Variants in DPP6 observed in about 807,000 individuals in gnomAD.
DPP6 encodes dipeptidyl peptidase like 6, also known as A-type potassium channel modulatory protein DPP6.
Under a neutral mutation model 122.6 loss-of-function variants are expected in DPP6, and 69 were observed. The observed-to-expected ratio is 0.56, with a 90% CI of 0.46 to 0.69. The LOEUF is 0.69. DPP6 is among the 30% of genes least tolerant of loss of function. DPP6 has a pLI of 0.00. For missense variants in DPP6, 928 were observed against 1,116.9 expected, an observed-to-expected ratio of 0.83 and a Z score of 2.41; for synonymous variants, 418 against 433.1, an observed-to-expected ratio of 0.97 and a Z score of 0.43.
At chr7:154,655,818 T>C (rs545822306) in intron 6 of DPP6, among the ~76,000 whole-genome samples, 2 of 152,298 alleles carry the variant, frequency 1.3e-5, no homozygotes, top group South Asian at 4.1e-4. Context: ...GGTTTGCCTC[T>C]GCCTTGCTCT....
At chr7:154,692,784 T>C (rs1840005813) in intron 7 of DPP6, among the ~76,000 whole-genome samples, 1 of 100,216 alleles carries the variant, frequency 1.0e-5, no homozygotes. Context: ...TCTCTCTCTT[T>C]TTTTTTTTTT....
chr7:154,753,907 A>G (rs1423424055), intron 8 of DPP6, among the ~76,000 whole-genome samples: 2 of 152,230 alleles, frequency 1.3e-5, no homozygotes, highest in African/African-American at 2.4e-5. Context: ...TCCTGGGGTC[A>G]GGACACACCT....
chr7:154,333,420 C>G (rs1032257480), intron 1 of DPP6, among the ~76,000 whole-genome samples: 2 of 152,144 alleles, frequency 1.3e-5, no homozygotes, highest in African/African-American at 4.8e-5. Context: ...AGTTACTCGT[C>G]TGTAATTCTG....
At chr7:154,394,160 A>G (rs1465004011) in intron 1 of DPP6, among the ~76,000 whole-genome samples, 1 of 152,212 alleles carries the variant, frequency 6.6e-6, no homozygotes, top group Non-Finnish European at 1.5e-5. Flanking sequence ...TTGAGGAACC[A>G]TCATACTGTT....
chr7:154,853,970 T>G, intron 17 of DPP6, 143 bp downstream of exon 17: 1 of 1,134,946 alleles, frequency 8.8e-7, no homozygotes, highest in Non-Finnish European at 1.2e-6. Context: ...TAGGCCATGC[T>G]GATCACCAAT....
intron 3 of DPP6, among the ~76,000 whole-genome samples, chr7:154,494,941 G>A (rs968536042): frequency 1.3e-5 from 2 of 152,244 alleles, no homozygotes; most frequent in Admixed American, 1.3e-4. Flanking sequence ...GATACAGACA[G>A]AGGAGGGAGA....
At chr7:153,975,283 G>A (rs1794066168) in intron 1 of DPP6, among the ~76,000 whole-genome samples, 1 of 151,468 alleles carries the variant, frequency 6.6e-6, no homozygotes, top group Non-Finnish European at 1.5e-5. Flanking sequence ...AGTCTTCTGT[G>A]AAACCACCCC....
At chr7:154,383,045 T>C (rs1317920766) in intron 1 of DPP6, among the ~76,000 whole-genome samples, 1 of 152,118 alleles carries the variant, frequency 6.6e-6, no homozygotes, top group Non-Finnish European at 1.5e-5. Flanking sequence ...TTTTAAAATC[T>C]CAAACCTGCC....
At chr7:154,843,117 A>T (rs1274408321) in intron 16 of DPP6, among the ~76,000 whole-genome samples, 2 of 152,230 alleles carry the variant, frequency 1.3e-5, no homozygotes, top group Non-Finnish European at 2.9e-5. Flanking sequence ...ATATGATTGT[A>T]TGCTTTCATT....
At chr7:154,169,045 T>C (rs1302730973) in intron 1 of DPP6, among the ~76,000 whole-genome samples, 1 of 152,082 alleles carries the variant, frequency 6.6e-6, no homozygotes, top group African/African-American at 2.4e-5. Flanking sequence ...GACAGCGGGA[T>C]GGGGGCTCAG....
At chr7:154,267,367 A>T (rs898042088) in intron 1 of DPP6, among the ~76,000 whole-genome samples, 9 of 147,230 alleles carry the variant, frequency 6.1e-5, no homozygotes, top group African/African-American at 2.2e-4. Flanking sequence ...TACTGTAACA[A>T]ATTATATATA....
At chr7:154,620,258 G>GTTCA (rs1223627439) in intron 5 of DPP6, among the ~76,000 whole-genome samples, 2 of 152,212 alleles carry the variant, frequency 1.3e-5, no homozygotes, top group Non-Finnish European at 2.9e-5. Flanking sequence ...TTTCTTAAAT[G>GTTCA]TTCAGTAGAG....
intron 1 of DPP6, among the ~76,000 whole-genome samples, chr7:154,416,604 A>G (rs1817040117): frequency 6.6e-6 from 1 of 152,152 alleles, no homozygotes; most frequent in Non-Finnish European, 1.5e-5. Flanking sequence ...GAAAAACAGC[A>G]CATATCAGGT....
rs143477890 is a variant in DPP6, at chr7:154,113,394, CATATAT to C, written c.243+60345_243+60350del. 1.8e-3 allele frequency among the ~76,000 whole-genome samples: 256 copies of C among 139,670 alleles called. 2 individuals carry two copies. Among genetic ancestry groups the C allele is most frequent in the Middle Eastern group, 3.7e-3 (1 of 270 alleles). 91.6% of individuals were successfully genotyped at this position (139,670 alleles called of 152,430 possible). ...ATCCTTGTCAACATTTGTTTTCCTA[CATATAT>C]ATATATATATATACACACACACACA... On this transcript the variant is annotated intron_variant, in intron 1 of 25. Coordinates refer to ENST00000377770, the MANE Select transcript of DPP6 (RefSeq NM_130797.4).
At chr7:154,686,574 A>G (rs1441458267) in intron 7 of DPP6, among the ~76,000 whole-genome samples, 2 of 152,190 alleles carry the variant, frequency 1.3e-5, no homozygotes, top group Admixed American at 1.3e-4. Context: ...CAGGTTCCAT[A>G]AATGAGCTGT....
chr7:154,125,411 A>C (rs1412203869), intron 1 of DPP6, among the ~76,000 whole-genome samples: 1 of 152,226 alleles, frequency 6.6e-6, no homozygotes, highest in Non-Finnish European at 1.5e-5. Flanking sequence ...GTTAAATAAA[A>C]AGTAGTCGCA....
intron 1 of DPP6, among the ~76,000 whole-genome samples, chr7:153,910,234 C>CTTTTTTCTTTTTTTTTTTTT (rs750065238): frequency 2.9e-5 from 4 of 137,752 alleles, no homozygotes; most frequent in Admixed American, 7.5e-5. Context: ...TTCTTTCTTT[C>CTTTTTTCTTTTTTTTTTTTT]TTTTTTTTTT....
intron 1 of DPP6, among the ~76,000 whole-genome samples, chr7:154,307,718 G>A (rs1806478940): frequency 6.6e-6 from 1 of 152,086 alleles, no homozygotes; most frequent in South Asian, 2.1e-4. Context: ...TTAAAACTAT[G>A]CTGTGTGCTT....
chr7:153,927,284 G>T (rs1256746990), intron 1 of DPP6, among the ~76,000 whole-genome samples: 1 of 152,180 alleles, frequency 6.6e-6, no homozygotes, highest in African/African-American at 2.4e-5. Context: ...CTGCACTCTA[G>T]CCTGGGCGAC....
Sources: allele counts gnomAD v4.1 joint callset (sites outside exome capture counted in the v4.1 genomes callset), GRCh38; gene constraint gnomAD v4.1.1; transcripts MANE v1.5; gene names NCBI Gene and HGNC (gene_info 2026-07-23, HGNC 2026-07-21).